XPO6: variants seen among roughly 807,000 people sequenced by gnomAD.
The protein encoded by XPO6 is exportin 6, also known as exportin-6.
A neutral mutation model predicts 130.0 loss-of-function variants in XPO6; 3 were observed. The observed-to-expected ratio is 0.02, with a 90% CI of 0.01 to 0.06. The LOEUF is 0.06. XPO6 is among the 10% of genes least tolerant of loss of function. The probability of loss-of-function intolerance (pLI) is 1.00; values close to 1 mark genes in which losing one functional copy is unlikely to be tolerated. For missense variants in XPO6, 970 were observed against 1,393.0 expected (o/e 0.70, Z 4.83); for synonymous variants, 524 against 548.9 (o/e 0.95, Z 0.63).
intron 6 of XPO6, among the ~76,000 whole-genome samples, chr16:28,162,691 T>C (rs2043295561): frequency 6.6e-6 from 1 of 151,480 alleles, no homozygotes; most frequent in Non-Finnish European, 1.5e-5. Flanking sequence ...CCCTCCCAAG[T>C]AGCTGGGACT....
intron 16 of XPO6, among the ~76,000 whole-genome samples, chr16:28,112,694 C>T (rs893512434): frequency 8.5e-5 from 13 of 152,378 alleles, no homozygotes; most frequent in African/African-American, 2.6e-4. Flanking sequence ...TGCTTTTCCA[C>T]GCCTCAATCA....
intron 14 of XPO6, among the ~76,000 whole-genome samples, chr16:28,118,717 T>A (rs569409999): frequency 6.6e-6 from 1 of 152,342 alleles, no homozygotes; most frequent in South Asian, 2.1e-4. Flanking sequence ...AATTCATTAT[T>A]GTCCTTATTC....
intron 1 of XPO6, among the ~76,000 whole-genome samples, chr16:28,204,171 CA>C (rs1282133070): frequency 6.6e-6 from 1 of 152,086 alleles, no homozygotes; most frequent in African/African-American, 2.4e-5. Flanking sequence ...GATACATGAA[CA>C]AAAGAGAGAT....
intron 1 of XPO6, among the ~76,000 whole-genome samples, chr16:28,191,015 AAC>A (rs1303205647): frequency 2.0e-5 from 3 of 152,348 alleles, no homozygotes; most frequent in African/African-American, 7.2e-5. Flanking sequence ...TTTTGAAATA[AAC>A]AGTTTTTAAA....
chr16:28,178,764 C>A lies in XPO6; in HGVS notation c.95-1432G>T, dbSNP rs141284344. On this transcript the variant is annotated intron_variant, in intron 2 of 23. Coordinates refer to ENST00000304658, the MANE Select transcript of XPO6 (RefSeq NM_015171.4). ...TCCTATCTCTTAAAACAAAACAAAA[C>A]AAAAAAAAAAAAACAAAAAAAGGCC... is the stretch of plus-strand genomic sequence containing the variant. Among the ~76,000 whole-genome samples the A allele has an allele frequency of 5.5e-3, 757 of 138,326 alleles. 5 individuals carry two copies. Among genetic ancestry groups the A allele is most frequent in the African/African-American group, 0.018 (655 of 37,166 alleles). 90.7% of individuals were successfully genotyped at this position (138,326 alleles called of 152,430 possible).
intron 1 of XPO6, among the ~76,000 whole-genome samples, chr16:28,192,456 G>A (rs1438599978): frequency 3.9e-5 from 6 of 151,914 alleles, no homozygotes; most frequent in South Asian, 2.1e-4. Flanking sequence ...GCAATGCCTC[G>A]CCCTTCCCAT....
chr16:28,149,058 T>TAAAAA (rs71389526), intron 8 of XPO6, among the ~76,000 whole-genome samples: 1 of 107,120 alleles, frequency 9.3e-6, no homozygotes, highest in Admixed American at 1.0e-4. Context: ...AAAAAGAAAA[T>TAAAAA]AAAAAAAAAA....
intron 1 of XPO6, among the ~76,000 whole-genome samples, chr16:28,191,261 T>C (rs1025086531): frequency 6.6e-6 from 1 of 152,204 alleles, no homozygotes; most frequent in Non-Finnish European, 1.5e-5. Flanking sequence ...TATACTTATT[T>C]ATATTCCAGT....
At chr16:28,192,378 T>C (rs551725572) in intron 1 of XPO6, among the ~76,000 whole-genome samples, 6 of 152,146 alleles carry the variant, frequency 3.9e-5, no homozygotes, top group Admixed American at 3.9e-4. Context: ...TTCCACTCGG[T>C]TGCTATAAAG....
chr16:28,174,451 C>T (rs1040831320), intron 4 of XPO6, among the ~76,000 whole-genome samples: 1 of 152,152 alleles, frequency 6.6e-6, no homozygotes, highest in Non-Finnish European at 1.5e-5. Context: ...CCCTCATCCC[C>T]GCCCTGAGAT....
At chr16:28,147,499 C>T (rs1338222130) in intron 8 of XPO6, among the ~76,000 whole-genome samples, 2 of 152,096 alleles carry the variant, frequency 1.3e-5, no homozygotes, top group Admixed American at 6.5e-5. Flanking sequence ...AACTTCACGA[C>T]CCAAAGGGTA....
chr16:28,165,745 T>C (rs1302225867), intron 6 of XPO6, among the ~76,000 whole-genome samples: 1 of 152,180 alleles, frequency 6.6e-6, no homozygotes, highest in East Asian at 1.9e-4. Flanking sequence ...ACATCAACCT[T>C]TACAGTAGAG....
chr16:28,204,378 G>C (rs190732964), intron 1 of XPO6, among the ~76,000 whole-genome samples: 1 of 151,874 alleles, frequency 6.6e-6, no homozygotes, highest in Non-Finnish European at 1.5e-5. Flanking sequence ...AAAGTGACTC[G>C]AGGCTTAAAG....
At chr16:28,160,436 G>A (rs1337395418) in intron 6 of XPO6, among the ~76,000 whole-genome samples, 3 of 141,436 alleles carry the variant, frequency 2.1e-5, no homozygotes, top group East Asian at 2.0e-4. Context: ...CCTGGGAGGC[G>A]GACGCTGCAG....
intron 1 of XPO6, among the ~76,000 whole-genome samples, chr16:28,200,196 G>A (rs992292552): frequency 3.3e-5 from 5 of 151,714 alleles, no homozygotes; most frequent in African/African-American, 1.2e-4. Flanking sequence ...AACTTCTCAG[G>A]TCTGATTATT....
chr16:28,203,672 T>C (rs1448481977), intron 1 of XPO6, among the ~76,000 whole-genome samples: 1 of 152,180 alleles, frequency 6.6e-6, no homozygotes, highest in Non-Finnish European at 1.5e-5. Context: ...TTTCTACTAC[T>C]CTCAATCGCC....
Position 28,155,307 on chromosome 16 carries a change from T to A in XPO6, c.1097+767A>T, listed in dbSNP as rs527626694. On this transcript the variant is annotated intron_variant, in intron 7 of 23. Coordinates refer to ENST00000304658, the MANE Select transcript of XPO6 (RefSeq NM_015171.4). ...TGCTTGAAAGTCCCTAAACCGTCAATCTGATTGTTCATAATATAAGTTTCC... is the reference window on the plus strand; with the variant it reads ...TGCTTGAAAGTCCCTAAACCGTCAAACTGATTGTTCATAATATAAGTTTCC... Among the ~76,000 whole-genome samples, 10 of 152,296 alleles carry A rather than the reference T, an allele frequency of 6.6e-5. No homozygotes were observed. The East Asian group carries it at 1.2e-3, about 18-fold the overall frequency.
intron 8 of XPO6, among the ~76,000 whole-genome samples, chr16:28,148,287 C>A (rs1033201541): frequency 1.3e-5 from 2 of 152,216 alleles, no homozygotes; most frequent in African/African-American, 4.8e-5. Flanking sequence ...CCCTGTATAA[C>A]CTGAAGCACC....
intron 9 of XPO6, among the ~76,000 whole-genome samples, chr16:28,140,434 C>CT (rs1330140715): frequency 8.6e-5 from 13 of 152,020 alleles, no homozygotes; most frequent in African/African-American, 3.1e-4. Context: ...AATCCCAGCA[C>CT]TTTGGGAGGC....
Sources: allele counts gnomAD v4.1 joint callset (sites outside exome capture counted in the v4.1 genomes callset), GRCh38; gene constraint gnomAD v4.1.1; transcripts MANE v1.5; gene names NCBI Gene and HGNC (gene_info 2026-07-23, HGNC 2026-07-21).